Variants in UHRF2 observed in about 807,000 individuals in gnomAD.
The protein encoded by UHRF2 is E3 ubiquitin-protein ligase UHRF2.
In UHRF2, 23 loss-of-function variants were observed where a neutral mutation model predicts 96.8. The observed-to-expected ratio is 0.24, with a 90% CI of 0.17 to 0.34. The LOEUF is 0.34. Ranked by LOEUF, UHRF2 falls within the 10% of genes least tolerant of loss-of-function variation. The probability of loss-of-function intolerance (pLI) is 1.00; values close to 1 mark genes in which losing one functional copy is unlikely to be tolerated. For synonymous variants in UHRF2, 385 were observed against 332.6 expected (o/e 1.16, Z -1.72); for missense variants, 685 against 981.5 (o/e 0.70, Z 4.04).
intron 8 of UHRF2, among the ~76,000 whole-genome samples, chr9:6,483,089 G>C (rs1332981159): frequency 1.3e-5 from 2 of 152,000 alleles, no homozygotes; most frequent in African/African-American, 4.8e-5. Flanking sequence ...ACTTTGGAAG[G>C]CCGCAGCAGC....
intron 3 of UHRF2, among the ~76,000 whole-genome samples, chr9:6,454,045 A>T (rs997619201): frequency 6.6e-6 from 1 of 152,204 alleles, no homozygotes; most frequent in African/African-American, 2.4e-5. Context: ...CCCATTATGT[A>T]CTGTTCTAAG....
chr9:6,448,633 C>T (rs1821665108), intron 3 of UHRF2, among the ~76,000 whole-genome samples: 1 of 152,140 alleles, frequency 6.6e-6, no homozygotes, highest in Non-Finnish European at 1.5e-5. Context: ...AGGATGGAGG[C>T]AAGTGAACTG....
chr9:6,448,432 C>G (rs945170703), intron 3 of UHRF2, among the ~76,000 whole-genome samples: 14 of 152,158 alleles, frequency 9.2e-5, no homozygotes, highest in African/African-American at 3.1e-4. Context: ...AAGTTTGTCT[C>G]TGTTAAGTGT....
intron 9 of UHRF2, among the ~76,000 whole-genome samples, chr9:6,489,728 GTTT>G (rs34069701): frequency 2.6e-5 from 3 of 114,736 alleles, no homozygotes; most frequent in Admixed American, 8.4e-5. Context: ...TTGGGTTTTT[GTTT>G]TTTTTTTTTT....
At chr9:6,421,838 A>G (rs993756041) in intron 2 of UHRF2, among the ~76,000 whole-genome samples, 1 of 152,092 alleles carries the variant, frequency 6.6e-6, no homozygotes. Flanking sequence ...CTACTTACGT[A>G]TATTTCTCTA....
intron 6 of UHRF2, among the ~76,000 whole-genome samples, chr9:6,480,475 G>A (rs751427855): frequency 1.3e-5 from 2 of 152,208 alleles, no homozygotes; most frequent in Non-Finnish European, 2.9e-5. Context: ...ATAATTAGAA[G>A]AGTGTTTTGT....
At chr9:6,493,289 C>T (rs113497867) in intron 9 of UHRF2, among the ~76,000 whole-genome samples, 3,438 of 151,732 alleles carry the variant, frequency 0.023, 126 homozygotes, top group African/African-American at 0.079. Context: ...CAGAGCAAGA[C>T]TCTGTTTAAA....
At chr9:6,430,134 C>T (rs1397964038) in intron 2 of UHRF2, among the ~76,000 whole-genome samples, 2 of 152,188 alleles carry the variant, frequency 1.3e-5, no homozygotes, top group African/African-American at 4.8e-5. Context: ...CCTCAGCCTC[C>T]CAAGTAGCTG....
intron 3 of UHRF2, among the ~76,000 whole-genome samples, chr9:6,435,261 T>C (rs942959035): frequency 3.9e-4 from 60 of 152,312 alleles, no homozygotes; most frequent in African/African-American, 1.4e-3. Context: ...TCCAAAGTGC[T>C]GGGATTACAG....
intron 8 of UHRF2, among the ~76,000 whole-genome samples, chr9:6,485,139 T>C (rs1824191701): frequency 6.6e-6 from 1 of 152,190 alleles, no homozygotes; most frequent in Admixed American, 6.5e-5. Context: ...TTTAATACTC[T>C]CTGTGTTCTC....
At chr9:6,428,559 T>TGAA in intron 2 of UHRF2, among the ~76,000 whole-genome samples, 1 of 31,378 alleles carries the variant, frequency 3.2e-5, no homozygotes. Context: ...TTTTTTTTTT[T>TGAA]TTTTTTTTTT....
chr9:6,499,775 A>G, intron 12 of UHRF2, 60 bp from the exon 13 acceptor site: 13 of 842,256 alleles, frequency 1.5e-5, no homozygotes, highest in East Asian at 4.3e-5. Context: ...CAGGATCTAA[A>G]CCCCCCTTCT....
intron 3 of UHRF2, among the ~76,000 whole-genome samples, chr9:6,437,872 C>T (rs1434209773): frequency 6.6e-6 from 1 of 152,020 alleles, no homozygotes; most frequent in Non-Finnish European, 1.5e-5. Context: ...CTTAGCCTCC[C>T]AGAGTGCGAG....
chr9:6,496,715 C>A (rs571981545), intron 10 of UHRF2: 1 of 152,806 alleles, frequency 6.5e-6, no homozygotes, highest in South Asian at 2.1e-4. Flanking sequence ...TCTCTATTGT[C>A]TGGAATGTGG....
intron 3 of UHRF2, among the ~76,000 whole-genome samples, chr9:6,435,434 T>A (rs1465218339): frequency 6.6e-6 from 1 of 152,132 alleles, no homozygotes; most frequent in African/African-American, 2.4e-5. Flanking sequence ...TGCAAAATTT[T>A]TTTTAAACAG....
At chr9:6,466,097 C>G (rs1822841719) in intron 4 of UHRF2, among the ~76,000 whole-genome samples, 1 of 152,074 alleles carries the variant, frequency 6.6e-6, no homozygotes, top group Non-Finnish European at 1.5e-5. Context: ...AATTAATTTA[C>G]CTTATTAAAA....
chr9:6,496,051 G>A (rs1396699425), intron 10 of UHRF2: 1 of 151,306 alleles, frequency 6.6e-6, no homozygotes, highest in Non-Finnish European at 1.5e-5. Flanking sequence ...AGCTATATAA[G>A]TTATTTTTTA....
At chr9:6,454,055 G>A (rs1376240053) in intron 3 of UHRF2, among the ~76,000 whole-genome samples, 2 of 152,108 alleles carry the variant, frequency 1.3e-5, no homozygotes, top group Admixed American at 6.6e-5. Context: ...ACTGTTCTAA[G>A]TGATTTAAAA....
At chr9:6,470,760 A>T (rs948707902) in intron 4 of UHRF2, among the ~76,000 whole-genome samples, 40 of 152,346 alleles carry the variant, frequency 2.6e-4, no homozygotes, top group Admixed American at 1.4e-3. Flanking sequence ...AGGTTTGCAC[A>T]GTCCAATCTC....
Sources: gnomAD v4.1 joint callset for allele counts (sites outside exome capture counted in the v4.1 genomes callset) on GRCh38, gnomAD v4.1.1 for gene constraint, MANE v1.5 for transcripts, NCBI Gene and HGNC (gene_info 2026-07-23, HGNC 2026-07-21) for gene names.